The following SPHKAP variants were observed in gnomAD, a reference collection of about 807,000 sequenced individuals.
SPHKAP encodes SPHK1 interactor, AKAP domain containing.
SPHKAP carries 67 observed loss-of-function variants against 137.5 expected under a neutral mutation model. The ratio of observed to expected loss-of-function variants is 0.49; its 90% confidence interval spans 0.40 to 0.60. SPHKAP has a LOEUF of 0.60. Ranked by LOEUF, SPHKAP falls within the 20% of genes least tolerant of loss-of-function variation. SPHKAP has a pLI of 0.00. For synonymous variants in SPHKAP, 813 were observed against 785.3 expected, an observed-to-expected ratio of 1.04 and a Z score of -0.59; for missense variants, 2,097 against 2,069.3, an observed-to-expected ratio of 1.01 and a Z score of -0.26.
chr2:228,090,108 G>C (rs1330543650), intron 3 of SPHKAP, among the ~76,000 whole-genome samples: 1 of 152,176 alleles, frequency 6.6e-6, no homozygotes, highest in Non-Finnish European at 1.5e-5. Flanking sequence ...TGGAAAAACT[G>C]TAGGCACTCA....
In SPHKAP at chr2:228,016,952, A is replaced by G. The variant is rs1559347827; in HGVS notation, c.3902T>C (p.Ile1301Thr). 6.2e-7 allele frequency: 1 copy of G among 1,614,112 alleles called. No homozygotes were observed. The change falls in exon 7 of 12, where the codon ATC becomes ACC. Residue 1301 changes from isoleucine to threonine, a missense_variant. Physicochemically the swap from Ile to Thr is moderately conservative, Grantham distance 89. Transcript: ENST00000392056. Reference sequence around the variant, plus strand: ...CGTTTCATGAATTAACATGTTGGTGATGTGGTCAGTCCCACCTCTCCGATA... The same window carrying G: ...CGTTTCATGAATTAACATGTTGGTGGTGTGGTCAGTCCCACCTCTCCGATA... ...CLYRRGGTDH[I>T]TNMLIHETWA...
intron 11 of SPHKAP, among the ~76,000 whole-genome samples, chr2:227,986,743 G>A (rs1332248221): frequency 6.6e-6 from 1 of 152,078 alleles, no homozygotes. Context: ...TCCTTTCTCT[G>A]CACTGCCCCC....
At chr2:228,107,820 GC>G in intron 3 of SPHKAP, among the ~76,000 whole-genome samples, 1 of 152,188 alleles carries the variant, frequency 6.6e-6, no homozygotes. Context: ...AGGAATCCTA[GC>G]CAGCAACTAA....
At chr2:228,175,985 T>C (rs1421746159) in intron 1 of SPHKAP, among the ~76,000 whole-genome samples, 1 of 152,202 alleles carries the variant, frequency 6.6e-6, no homozygotes, top group Non-Finnish European at 1.5e-5. Context: ...TGGGAAGCAA[T>C]GGCTAAAGAC....
At chr2:228,046,590 G>T (rs1352849638) in intron 3 of SPHKAP, among the ~76,000 whole-genome samples, 1 of 152,096 alleles carries the variant, frequency 6.6e-6, no homozygotes, top group Non-Finnish European at 1.5e-5. Context: ...ACAGCTACAG[G>T]ATAGGGAACT....
chr2:228,047,539 ATAAGT>A (rs905741269), intron 3 of SPHKAP, among the ~76,000 whole-genome samples: 5 of 152,176 alleles, frequency 3.3e-5, no homozygotes, highest in Admixed American at 6.5e-5. Context: ...TGAATTACAG[ATAAGT>A]TAAGCAAAAC....
At chr2:228,051,372 G>A (rs1352825465) in intron 3 of SPHKAP, among the ~76,000 whole-genome samples, 2 of 152,080 alleles carry the variant, frequency 1.3e-5, no homozygotes, top group Non-Finnish European at 2.9e-5. Context: ...CTTTGAGTTT[G>A]GCTGCATGAC....
chr2:228,129,960 C>G (rs1050804550), intron 2 of SPHKAP, among the ~76,000 whole-genome samples: 7 of 151,932 alleles, frequency 4.6e-5, no homozygotes, highest in Admixed American at 4.6e-4. Flanking sequence ...CCATGCCCAG[C>G]TAACTTTTGT....
intron 11 of SPHKAP, among the ~76,000 whole-genome samples, chr2:227,983,263 C>T (rs1413872664): frequency 6.6e-6 from 1 of 152,160 alleles, no homozygotes; most frequent in Non-Finnish European, 1.5e-5. Flanking sequence ...AATGATGTTT[C>T]TTCTCCCAGC....
chr2:228,052,956 G>C (rs187211600), intron 3 of SPHKAP, among the ~76,000 whole-genome samples: 58 of 152,268 alleles, frequency 3.8e-4, no homozygotes, highest in Middle Eastern at 3.4e-3. Flanking sequence ...TGTATAGTAA[G>C]AGCTAATCTG....
intron 1 of SPHKAP, among the ~76,000 whole-genome samples, chr2:228,152,247 G>A (rs1187393002): frequency 2.0e-5 from 3 of 152,078 alleles, no homozygotes; most frequent in African/African-American, 7.2e-5. Flanking sequence ...AATCTTCAAA[G>A]TTCTTTATAA....
At chr2:228,126,133 T>C (rs1267046937) in intron 2 of SPHKAP, among the ~76,000 whole-genome samples, 1 of 152,124 alleles carries the variant, frequency 6.6e-6, no homozygotes, top group East Asian at 1.9e-4. Context: ...ACAATGCTTA[T>C]GATAAATATA....
At chr2:228,133,902 T>C (rs1305072771) in intron 1 of SPHKAP, among the ~76,000 whole-genome samples, 2 of 152,168 alleles carry the variant, frequency 1.3e-5, no homozygotes, top group Admixed American at 6.6e-5. Context: ...GTAATTAAAA[T>C]AAAATCTGTT....
chr2:228,096,006 T>G (rs1473594528), intron 3 of SPHKAP, among the ~76,000 whole-genome samples: 2 of 152,224 alleles, frequency 1.3e-5, no homozygotes, highest in African/African-American at 2.4e-5. Context: ...TGAATTGTCC[T>G]GAAGGAGAAA....
At chr2:228,083,090 G>A (rs1250753455) in intron 3 of SPHKAP, among the ~76,000 whole-genome samples, 1 of 152,076 alleles carries the variant, frequency 6.6e-6, no homozygotes, top group Non-Finnish European at 1.5e-5. Flanking sequence ...TGTTAATATA[G>A]GAAAGTTGTT....
chr2:228,176,283 T>A (rs2106434910), intron 1 of SPHKAP, among the ~76,000 whole-genome samples: 1 of 152,312 alleles, frequency 6.6e-6, no homozygotes, highest in African/African-American at 2.4e-5. Context: ...TTTGGATGGG[T>A]GGGTATTGCT....
intron 1 of SPHKAP, among the ~76,000 whole-genome samples, chr2:228,143,482 AT>A (rs972253407): frequency 6.6e-6 from 1 of 151,518 alleles, no homozygotes; most frequent in Non-Finnish European, 1.5e-5. Context: ...TTTAAATTTT[AT>A]TTTTATTTTT....
chr2:228,118,247 T>A (rs905127025), intron 2 of SPHKAP, among the ~76,000 whole-genome samples: 4 of 65,320 alleles, frequency 6.1e-5, no homozygotes, highest in African/African-American at 1.9e-4. Context: ...ACAGTTTTTT[T>A]TTTTTTTTTT....
intron 1 of SPHKAP, among the ~76,000 whole-genome samples, chr2:228,144,009 A>G (rs1358683925): frequency 6.6e-6 from 1 of 152,134 alleles, no homozygotes. Context: ...GGCCAGGCAC[A>G]GTTGCTGTCT....
Sources: gnomAD v4.1 joint callset for allele counts (sites outside exome capture counted in the v4.1 genomes callset) on GRCh38, gnomAD v4.1.1 for gene constraint, MANE v1.5 for transcripts, NCBI Gene and HGNC (gene_info 2026-07-23, HGNC 2026-07-21) for gene names.